The following SLC8B1 variants were observed in gnomAD, a reference collection of about 807,000 sequenced individuals.
SLC8B1 encodes the protein solute carrier family 8 member B1, also known as mitochondrial sodium/calcium exchanger protein.
SLC8B1 carries 52 observed loss-of-function variants against 63.4 expected under a neutral mutation model. That is an observed-to-expected ratio of 0.82 (90% CI 0.66 to 1.03). SLC8B1 has a LOEUF of 1.03. Ranked by LOEUF, SLC8B1 falls within the 50% of genes least tolerant of loss-of-function variation. The pLI is 0.00. For missense variants in SLC8B1, 657 were observed against 741.7 expected, an observed-to-expected ratio of 0.89 and a Z score of 1.33; for synonymous variants, 336 against 323.9, an observed-to-expected ratio of 1.04 and a Z score of -0.40.
At position 113,304,364 on chromosome 12, in the gene SLC8B1, A is replaced by C; in HGVS notation, c.1514T>G (p.Leu505Arg). The C allele has an allele frequency of 1.9e-6, 3 of 1,614,038 alleles. No homozygotes were observed. The highest frequency in any genetic ancestry group is 2.5e-6 in the Non-Finnish European group (3 of 1,179,946). ...TCGGGAGATCTGGAGCAGGCAGCCC[A>C]GCCCCACACCCACGAGGATGTCTGC... ...IIFNILVGVGLGCLLQISRSH... is the reference protein window; with the variant it reads ...IIFNILVGVGRGCLLQISRSH... The change falls in exon 15 of 16, where the codon CTG becomes CGG. Residue 505 changes from leucine (L) to arginine (R), a missense_variant. By Grantham distance (102) the Leu-to-Arg change is moderately radical. Transcript: ENST00000680972.
chr12:113,320,548 T>C lies in SLC8B1; in HGVS notation c.526+33A>G, dbSNP rs151036445. ...GCCACCCTGCACCCTCTCCTGCTGC[T>C]TTCCCCGCCCCCCTCACTGGGGCTG... On this transcript the variant is annotated intron_variant, in intron 6 of 15. Transcript: ENST00000680972. The surrounding 1 kb of genome is among the most constrained non-coding windows in gnomAD (Gnocchi z 5.3). 3.3e-3 allele frequency: 5,333 copies of C among 1,613,882 alleles called. 17 individuals carry two copies. Among genetic ancestry groups the C allele is most frequent in the Non-Finnish European group, 3.7e-3 (4,397 of 1,179,946 alleles).
intron 1 of SLC8B1, among the ~76,000 whole-genome samples, chr12:113,333,750 C>G (rs1337988042): frequency 1.3e-5 from 2 of 152,076 alleles, no homozygotes; most frequent in Non-Finnish European, 2.9e-5. Flanking sequence ...ACTCTGTTAC[C>G]CAAGCTGGAG....
intron 13 of SLC8B1, among the ~76,000 whole-genome samples, chr12:113,307,293 G>A (rs1482516969): frequency 1.3e-5 from 2 of 152,048 alleles, no homozygotes; most frequent in African/African-American, 4.8e-5. Context: ...GGATGCTCTG[G>A]AGCAGTGCAT....
chr12:113,315,595 C>G, intron 10 of SLC8B1, 119 bp from the exon 11 acceptor site: 1 of 1,269,996 alleles, frequency 7.9e-7, no homozygotes, highest in Non-Finnish European at 1.0e-6. Flanking sequence ...TGACTGTGTG[C>G]GGGTTCCAGG....
chr12:113,302,843 A>C (rs1001471450), intron 15 of SLC8B1: 1 of 397,362 alleles, frequency 2.5e-6, no homozygotes, highest in Non-Finnish European at 5.1e-6. Flanking sequence ...AGACATGTAC[A>C]TCAATTCTGA....
intron 15 of SLC8B1, chr12:113,302,811 G>A (rs1593235534): frequency 4.5e-6 from 2 of 444,004 alleles, no homozygotes; most frequent in East Asian, 7.0e-5. Context: ...TATTACACAC[G>A]CCTGTGGACA....
chr12:113,321,021 T>C (rs1291029733), intron 4 of SLC8B1, 35 bp downstream of exon 4: 1 of 1,603,568 alleles, frequency 6.2e-7, no homozygotes, highest in Non-Finnish European at 8.5e-7. Context: ...CTCCTCCCAT[T>C]GATAAGCCAG....
At chr12:113,302,586 C>G in intron 15 of SLC8B1, 1 of 454,828 alleles carries the variant, frequency 2.2e-6, no homozygotes, top group Non-Finnish European at 4.4e-6. Context: ...CCCCGCTTCT[C>G]TTCCTTCCAC....
chr12:113,320,730 C>G lies in SLC8B1; in HGVS notation c.421-44G>C. The G allele has an allele frequency of 1.9e-6, 3 of 1,595,954 alleles. No individual in the cohort carries two copies. Among genetic ancestry groups the G allele is most frequent in the Non-Finnish European group, 2.6e-6 (3 of 1,171,014 alleles). Reference sequence around the variant, plus strand: ...GGCGGGCCAGGATCGCAGCTGCAGCCCACCCAGGCCTTCGACCCTATCCCC... The same window carrying G: ...GGCGGGCCAGGATCGCAGCTGCAGCGCACCCAGGCCTTCGACCCTATCCCC... On this transcript the variant is annotated intron_variant, in intron 5 of 15. Coordinates refer to ENST00000680972, the MANE Select transcript of SLC8B1 (RefSeq NM_001358345.2). The surrounding 1 kb of genome is among the most constrained non-coding windows in gnomAD (Gnocchi z 5.3).
At chr12:113,322,470 A>G (rs764916915) in intron 2 of SLC8B1, among the ~76,000 whole-genome samples, 10 of 152,190 alleles carry the variant, frequency 6.6e-5, no homozygotes, top group Non-Finnish European at 1.2e-4. Flanking sequence ...AATATAGCCA[A>G]TGAGCTTCCT....
Position 113,334,822 on chromosome 12 carries a change from G to C in SLC8B1, c.-462C>G, listed in dbSNP as rs1957107998. On this transcript the variant is annotated 5_prime_UTR_variant, in exon 1 of 16. Transcript: ENST00000680972. ...ACGCGTGGGCCGATGCCCAGCGCTC[G>C]GATGGTCGCCGACCTGCTAAGGGAC... 1 of 152,256 alleles carries C rather than the reference G, an allele frequency of 6.6e-6. No homozygotes were observed. The highest frequency in any genetic ancestry group is 6.5e-5 in the Admixed American group (1 of 15,288). 9.4% of individuals were successfully genotyped at this position (152,256 alleles called of 1,614,324 possible). A position where few individuals can be genotyped will look rare whatever the true frequency, so the allele number is the denominator to read the frequency against.
intron 15 of SLC8B1, chr12:113,302,508 A>G (rs1956602518): frequency 5.0e-6 from 2 of 396,054 alleles, no homozygotes; most frequent in East Asian, 7.3e-5. Context: ...TATGGTATAC[A>G]TGTCACACAT....
Position 113,311,173 on chromosome 12 carries a change from G to T in SLC8B1, c.1136-818C>A, listed in dbSNP as rs148991971. On this transcript the variant is annotated intron_variant, in intron 11 of 15. Coordinates refer to ENST00000680972, the MANE Select transcript of SLC8B1 (RefSeq NM_001358345.2). ...CTACAAAAAATACAAAAATTAGGCC[G>T]GGCACGGTGGCTCACACCTGTAATC... 4.3e-3 allele frequency among the ~76,000 whole-genome samples: 658 copies of T among 152,218 alleles called. 8 individuals are homozygous for T. The highest frequency in any genetic ancestry group is 0.015 in the African/African-American group (617 of 41,524).
intron 13 of SLC8B1, 106 bp downstream of exon 13, chr12:113,307,585 C>G (rs1456345114): frequency 7.2e-7 from 1 of 1,384,396 alleles, no homozygotes; most frequent in East Asian, 2.4e-5. Context: ...GTGCAGAGGG[C>G]AGACACCCTG....
intron 2 of SLC8B1, among the ~76,000 whole-genome samples, chr12:113,324,609 G>A (rs1284630842): frequency 3.3e-5 from 5 of 151,816 alleles, no homozygotes; most frequent in South Asian, 2.1e-4. Flanking sequence ...GTTTCACCAC[G>A]TTGGCCAGGC....
Position 113,304,360 on chromosome 12 carries a change from G to A in SLC8B1, c.1518C>T (p.Gly506=), listed in dbSNP as rs144880556. Residue 506 remains glycine, a synonymous_variant, in exon 15 of 16, where the codon GGC becomes GGT. Transcript: ENST00000680972. ...GGCTTCGGGAGATCTGGAGCAGGCA[G>A]CCCAGCCCCACACCCACGAGGATGT... The part of the protein sequence containing the change: ...IFNILVGVGL[G]CLLQISRSHT... The A allele has an allele frequency of 9.9e-4, 1,599 of 1,613,988 alleles. 14 individuals carry two copies. The African/African-American group carries it at 0.019, about 19-fold the overall frequency.
chr12:113,305,173 G>T lies in SLC8B1; in HGVS notation c.1493-788C>A, dbSNP rs147939466. On this transcript the variant is annotated intron_variant, in intron 14 of 15. Coordinates refer to ENST00000680972, the MANE Select transcript of SLC8B1 (RefSeq NM_001358345.2). This position sits in a 1 kb window ranked among gnomAD's most constrained non-coding sequence, Gnocchi z 4.3. Reference sequence around the variant, plus strand: ...AACTGGTGATAGTGTGTGGGCCGAGGCCATCTCTAGGGGTCGTTCAGGGCT... The same window carrying T: ...AACTGGTGATAGTGTGTGGGCCGAGTCCATCTCTAGGGGTCGTTCAGGGCT... 5.2e-3 allele frequency among the ~76,000 whole-genome samples: 795 copies of T among 152,356 alleles called. 9 individuals carry two copies. Among genetic ancestry groups the T allele is most frequent in the African/African-American group, 0.018 (754 of 41,586 alleles).
intron 11 of SLC8B1, among the ~76,000 whole-genome samples, chr12:113,313,979 G>A (rs960658913): frequency 1.4e-4 from 22 of 152,010 alleles, no homozygotes; most frequent in African/African-American, 5.1e-4. Flanking sequence ...CACTGTACTC[G>A]GGTCTGGGTG....
intron 2 of SLC8B1, among the ~76,000 whole-genome samples, chr12:113,330,385 G>C (rs1022495026): frequency 1.3e-5 from 2 of 152,234 alleles, no homozygotes; most frequent in African/African-American, 4.8e-5. Flanking sequence ...CGGTGGACTA[G>C]AGGGGAAGGG....
Sources: gnomAD v4.1 joint callset for allele counts (sites outside exome capture counted in the v4.1 genomes callset) on GRCh38, gnomAD v4.1.1 for gene constraint, Gnocchi (gnomAD v3.1) non-coding constraint, MANE v1.5 for transcripts, NCBI Gene and HGNC (gene_info 2026-07-23, HGNC 2026-07-21) for gene names.